PEX5L: variants seen among roughly 807,000 people sequenced by gnomAD.
PEX5L encodes PEX5-related protein.
A neutral mutation model predicts 84.0 loss-of-function variants in PEX5L; 30 were observed. The ratio of observed to expected loss-of-function variants is 0.36; its 90% CI spans 0.27 to 0.48. The LOEUF is 0.48. Ranked by LOEUF, PEX5L falls within the 20% of genes least tolerant of loss-of-function variation. The pLI is 0.99. For synonymous variants in PEX5L, 270 were observed against 283.1 expected, an observed-to-expected ratio of 0.95 and a Z score of 0.46; for missense variants, 533 against 754.6, an observed-to-expected ratio of 0.71 and a Z score of 3.44.
At chr3:179,890,826 A>G (rs1757383734) in intron 3 of PEX5L, among the ~76,000 whole-genome samples, 1 of 151,890 alleles carries the variant, frequency 6.6e-6, no homozygotes, top group South Asian at 2.1e-4. Context: ...CTGCAAATGC[A>G]TAAAAACTAT....
intron 8 of PEX5L, among the ~76,000 whole-genome samples, chr3:179,825,330 C>T (rs1730032919): frequency 1.3e-5 from 2 of 152,272 alleles, no homozygotes; most frequent in South Asian, 4.2e-4. Flanking sequence ...GAAATGGGCT[C>T]CTCAACCTTA....
chr3:180,030,153 C>T (rs999194943), intron 1 of PEX5L, among the ~76,000 whole-genome samples: 2 of 152,096 alleles, frequency 1.3e-5, no homozygotes, highest in Non-Finnish European at 2.9e-5. Context: ...TTACTTTAGT[C>T]GACTACAACC....
At chr3:179,898,089 C>A in intron 3 of PEX5L, 53 bp downstream of exon 3, 3 of 1,065,706 alleles carry the variant, frequency 2.8e-6, no homozygotes, top group South Asian at 1.6e-5. Flanking sequence ...ATCACAATGT[C>A]TGATATATTA....
Position 179,979,538 on chromosome 3 carries a change from C to A in PEX5L, c.22-7873G>T, listed in dbSNP as rs996671690. On this transcript the variant is annotated intron_variant, in intron 1 of 14. Transcript: ENST00000467460. ...AAGCACTCCTTTTTGGTGGTTTTAA[C>A]CCTGTCATCCCCGACACAACAGGAC... Among the ~76,000 whole-genome samples the A allele has an allele frequency of 4.6e-5, 7 of 152,216 alleles. 1 individual carries two copies. The highest frequency in any genetic ancestry group is 1.4e-4 in the African/African-American group (6 of 41,536).
chr3:180,000,918 G>T (rs985169962), intron 1 of PEX5L, among the ~76,000 whole-genome samples: 1 of 152,054 alleles, frequency 6.6e-6, no homozygotes, highest in South Asian at 2.1e-4. Flanking sequence ...GTTGACAAGG[G>T]GTGGACTTGT....
Position 179,998,729 on chromosome 3 carries a change from A to T in PEX5L, c.22-27064T>A, listed in dbSNP as rs138478967. On this transcript the variant is annotated intron_variant, in intron 1 of 14. Transcript: ENST00000467460. Reference sequence around the variant, plus strand: ...CAGCAGCATTCCATCATCAAATGAAAGTGGTATATACATGATCAGGCTGGA... The same window carrying T: ...CAGCAGCATTCCATCATCAAATGAATGTGGTATATACATGATCAGGCTGGA... Among the ~76,000 whole-genome samples the T allele has an allele frequency of 2.6e-4, 39 of 152,330 alleles. No individual in the cohort carries two copies. The South Asian group carries it at 2.7e-3, about 11-fold the overall frequency.
intron 1 of PEX5L, among the ~76,000 whole-genome samples, chr3:180,015,600 T>G (rs1355901136): frequency 6.6e-6 from 1 of 152,046 alleles, no homozygotes; most frequent in African/African-American, 2.4e-5. Flanking sequence ...GAATTGTTCC[T>G]TAGTGTTTTC....
chr3:179,859,175 C>A lies in PEX5L; in HGVS notation c.727-18G>T. ...AGTCGAGCCTGAAATCAATCATACACATAGTGTTATAATATTAGAATCACA... is the reference window on the plus strand; with the variant it reads ...AGTCGAGCCTGAAATCAATCATACAAATAGTGTTATAATATTAGAATCACA... On this transcript the variant is annotated intron_variant, in intron 7 of 14. Coordinates refer to ENST00000467460, the MANE Select transcript of PEX5L (RefSeq NM_016559.3). 1 of 1,550,712 alleles carries A rather than the reference C, an allele frequency of 6.4e-7. No homozygotes were observed. Among genetic ancestry groups the A allele is most frequent in the Non-Finnish European group, 8.9e-7 (1 of 1,122,444 alleles).
intron 2 of PEX5L, among the ~76,000 whole-genome samples, chr3:179,926,812 T>C (rs1447000707): frequency 2.0e-5 from 3 of 152,234 alleles, no homozygotes; most frequent in Non-Finnish European, 2.9e-5. Flanking sequence ...AATAAAATAT[T>C]GTTTAACCGT....
chr3:179,862,788 C>T (rs1432794217), intron 7 of PEX5L, among the ~76,000 whole-genome samples: 1 of 152,022 alleles, frequency 6.6e-6, no homozygotes, highest in Non-Finnish European at 1.5e-5. Context: ...AGATCCAGCC[C>T]AATTCTTATC....
At chr3:179,853,235 A>T (rs1742604690) in intron 8 of PEX5L, among the ~76,000 whole-genome samples, 1 of 152,226 alleles carries the variant, frequency 6.6e-6, no homozygotes, top group South Asian at 2.1e-4. Flanking sequence ...AGCACCCAGC[A>T]CAGTGCCTGG....
chr3:179,995,277 T>C (rs1477706215), intron 1 of PEX5L, among the ~76,000 whole-genome samples: 5 of 150,728 alleles, frequency 3.3e-5, no homozygotes, highest in Admixed American at 6.6e-5. Flanking sequence ...TATAGTTCTC[T>C]CCCTCTGGGG....
intron 2 of PEX5L, among the ~76,000 whole-genome samples, chr3:179,916,823 C>T (rs1578416155): frequency 6.6e-6 from 1 of 152,046 alleles, no homozygotes. Context: ...GTGCACACCA[C>T]CACTCCCGGT....
chr3:179,867,547 G>C (rs1413676101), intron 7 of PEX5L, among the ~76,000 whole-genome samples: 1 of 152,116 alleles, frequency 6.6e-6, no homozygotes, highest in African/African-American at 2.4e-5. Context: ...GAGGGAAAAA[G>C]CCATGTTGAA....
intron 1 of PEX5L, among the ~76,000 whole-genome samples, chr3:180,033,525 A>G (rs1561092363): frequency 6.6e-6 from 1 of 152,224 alleles, no homozygotes; most frequent in Admixed American, 6.5e-5. Flanking sequence ...GAAAACATTG[A>G]GAGACATGTA....
intron 8 of PEX5L, among the ~76,000 whole-genome samples, chr3:179,840,638 A>G (rs1736889034): frequency 6.6e-6 from 1 of 152,120 alleles, no homozygotes; most frequent in Admixed American, 6.6e-5. Context: ...CAGGCCAGAG[A>G]TGCTGCTGGT....
At chr3:179,952,608 A>G (rs186174195) in intron 2 of PEX5L, among the ~76,000 whole-genome samples, 1 of 152,334 alleles carries the variant, frequency 6.6e-6, no homozygotes, top group East Asian at 1.9e-4. Flanking sequence ...GAGAGGACAT[A>G]AACAAATAGA....
chr3:179,873,577 A>C (rs1184172482), intron 7 of PEX5L, among the ~76,000 whole-genome samples: 1 of 152,168 alleles, frequency 6.6e-6, no homozygotes, highest in African/African-American at 2.4e-5. Context: ...TAATCATAGG[A>C]GATAACTAGT....
intron 2 of PEX5L, among the ~76,000 whole-genome samples, chr3:179,949,526 AT>A (rs1778512607): frequency 6.6e-6 from 1 of 152,202 alleles, no homozygotes; most frequent in East Asian, 1.9e-4. Flanking sequence ...CCCATTAAGT[AT>A]TACTTTATAT....
Sources: allele counts gnomAD v4.1 joint callset (sites outside exome capture counted in the v4.1 genomes callset), GRCh38; gene constraint gnomAD v4.1.1; transcripts MANE v1.5; gene names NCBI Gene and HGNC (gene_info 2026-07-23, HGNC 2026-07-21).